KCNH7: variants seen among roughly 807,000 people sequenced by gnomAD.
KCNH7 encodes potassium voltage-gated channel subfamily H member 7, also known as voltage-gated inwardly rectifying potassium channel KCNH7.
Under a neutral mutation model 120.8 loss-of-function variants are expected in KCNH7, and 49 were observed. The ratio of observed to expected loss-of-function variants is 0.41; its 90% CI spans 0.32 to 0.51. The LOEUF (loss-of-function observed/expected upper bound fraction) is 0.51, where lower values mean the gene tolerates loss of function less well. Ranked by LOEUF, KCNH7 falls within the 20% of genes least tolerant of loss-of-function variation. The probability of loss-of-function intolerance (pLI) is 0.38; values close to 1 mark genes in which losing one functional copy is unlikely to be tolerated. For synonymous variants in KCNH7, 547 were observed against 516.1 expected, an observed-to-expected ratio of 1.06 and a Z score of -0.81; for missense variants, 1,097 against 1,446.6, an observed-to-expected ratio of 0.76 and a Z score of 3.92.
At chr2:162,455,089 C>G (rs1688913608) in intron 6 of KCNH7, among the ~76,000 whole-genome samples, 1 of 151,994 alleles carries the variant, frequency 6.6e-6, no homozygotes, top group African/African-American at 2.4e-5. Context: ...ATAAATAGCT[C>G]TTATCATTTT....
intron 2 of KCNH7, among the ~76,000 whole-genome samples, chr2:162,558,748 C>G (rs1692949116): frequency 6.6e-6 from 1 of 151,678 alleles, no homozygotes; most frequent in Non-Finnish European, 1.5e-5. Flanking sequence ...TTATTTCATA[C>G]TCCTTCTTTG....
rs137973770 is a variant in KCNH7, at chr2:162,404,475, G to A, written c.2155-4034C>T. Among the ~76,000 whole-genome samples, 392 of 152,070 alleles carry A rather than the reference G, an allele frequency of 2.6e-3. 4 individuals carry two copies. The highest frequency in any genetic ancestry group is 8.8e-3 in the African/African-American group (367 of 41,528). On this transcript the variant is annotated intron_variant, in intron 9 of 15. Transcript: ENST00000332142. ...CATAATGTCAGAGACGAAGCCTGAT[G>A]TGAGGTGTTTGGTCATGGGGGTTGA...
At chr2:162,743,554 G>C (rs1279625129) in intron 2 of KCNH7, among the ~76,000 whole-genome samples, 1 of 152,028 alleles carries the variant, frequency 6.6e-6, no homozygotes, top group Non-Finnish European at 1.5e-5. Flanking sequence ...TCAAAATGTA[G>C]GGTCACGGAA....
intron 2 of KCNH7, among the ~76,000 whole-genome samples, chr2:162,693,651 G>C (rs550490563): frequency 1.5e-4 from 23 of 152,314 alleles, no homozygotes; most frequent in Admixed American, 4.6e-4. Context: ...GTCTCAGGAG[G>C]TTCTGGCAAT....
chr2:162,645,499 T>C (rs1441317328), intron 2 of KCNH7, among the ~76,000 whole-genome samples: 1 of 152,180 alleles, frequency 6.6e-6, no homozygotes, highest in East Asian at 1.9e-4. Flanking sequence ...AGAGGTACCA[T>C]GCTGATCTGA....
chr2:162,788,027 C>A (rs139105569), intron 2 of KCNH7, among the ~76,000 whole-genome samples: 1 of 152,072 alleles, frequency 6.6e-6, no homozygotes, highest in Non-Finnish European at 1.5e-5. Flanking sequence ...AGAGGAGGAC[C>A]CTAATTCTTC....
chr2:162,542,222 C>CTT (rs371838497), intron 2 of KCNH7, among the ~76,000 whole-genome samples: 6 of 147,032 alleles, frequency 4.1e-5, no homozygotes, highest in African/African-American at 1.5e-4. Flanking sequence ...GGCTGTGATT[C>CTT]TTTTTTTTTC....
In KCNH7 at chr2:162,371,847, AG is replaced by A; in HGVS notation, c.3572del (p.Pro1191LeufsTer18). The A allele has an allele frequency of 6.2e-7, 1 of 1,609,208 alleles. No homozygotes were observed. Among genetic ancestry groups the A allele is most frequent in the Non-Finnish European group, 8.5e-7 (1 of 1,175,886 alleles). ...AAAATGATTATTTCCCTGGAAGACCAGGATCAGAAACATGCCTATGAAGACC... is the reference window on the plus strand; with the variant it reads ...AAAATGATTATTTCCCTGGAAGACCAGATCAGAAACATGCCTATGAAGACC... ...IVGLHRHVSD[P>X]GLPGK On this transcript the variant is annotated frameshift_variant, in exon 16 of 16. Transcript: ENST00000332142. LOFTEE classifies it high-confidence loss of function.
intron 6 of KCNH7, among the ~76,000 whole-genome samples, chr2:162,473,760 C>A (rs1689644986): frequency 6.6e-6 from 1 of 152,146 alleles, no homozygotes; most frequent in Admixed American, 6.6e-5. Context: ...GTGATGAACA[C>A]CATGATAGAG....
chr2:162,653,472 C>G (rs897378787), intron 2 of KCNH7, among the ~76,000 whole-genome samples: 1 of 152,124 alleles, frequency 6.6e-6, no homozygotes, highest in Non-Finnish European at 1.5e-5. Flanking sequence ...AAAACAATCT[C>G]ACTTACAATA....
chr2:162,609,858 G>A (rs1682904489), intron 2 of KCNH7, among the ~76,000 whole-genome samples: 2 of 152,114 alleles, frequency 1.3e-5, no homozygotes, highest in Non-Finnish European at 2.9e-5. Flanking sequence ...TCTGGGGACG[G>A]GTCTGGTCCT....
At chr2:162,814,873 C>G (rs73972026) in intron 2 of KCNH7, among the ~76,000 whole-genome samples, 2,985 of 152,202 alleles carry the variant, frequency 0.02, 93 homozygotes, top group African/African-American at 0.066. Flanking sequence ...TTATTCCAAG[C>G]CTTCTACTAA....
rs202144918 is a variant in KCNH7, at chr2:162,792,723, A to C, written c.307+43814T>G. ...CAAGCAGCTTATTTTTTTTTTTTTC[A>C]AAAAAAACCCAGCTCCTGGATTTGT... On this transcript the variant is annotated intron_variant, in intron 2 of 15. Transcript: ENST00000332142. 2.5e-5 allele frequency among the ~76,000 whole-genome samples: 3 copies of C among 121,830 alleles called. 1 individual carries two copies. The highest frequency in any genetic ancestry group is 8.3e-5 in the Admixed American group (1 of 11,996). The allele number at this position is 121,830 out of a possible 152,430, so 79.9% of individuals were successfully genotyped here. A position where few individuals can be genotyped will look rare whatever the true frequency, so the allele number is the denominator to read the frequency against.
intron 2 of KCNH7, among the ~76,000 whole-genome samples, chr2:162,744,530 TTAGTTCTACACATACAGTTA>T (rs1688245117): frequency 6.6e-6 from 1 of 151,776 alleles, no homozygotes; most frequent in Non-Finnish European, 1.5e-5. Flanking sequence ...TCCTGACCGT[TTAGTTCTACACATACAGTTA>T]TATTCTAATT....
intron 2 of KCNH7, among the ~76,000 whole-genome samples, chr2:162,567,933 A>C (rs1048392452): frequency 6.6e-6 from 1 of 152,006 alleles, no homozygotes; most frequent in Non-Finnish European, 1.5e-5. Flanking sequence ...TTGTTTTACA[A>C]TTACATACAG....
chr2:162,778,253 T>C (rs1373689051), intron 2 of KCNH7, among the ~76,000 whole-genome samples: 2 of 152,178 alleles, frequency 1.3e-5, no homozygotes, highest in Admixed American at 1.3e-4. Context: ...ATGAAGTTGA[T>C]ATTATATTAT....
intron 6 of KCNH7, among the ~76,000 whole-genome samples, chr2:162,493,757 T>C (rs1021737563): frequency 6.6e-6 from 1 of 152,134 alleles, no homozygotes; most frequent in Non-Finnish European, 1.5e-5. Flanking sequence ...ATACAAGCTG[T>C]GTAAGGAAAG....
At chr2:162,449,628 G>C (rs1216058868) in intron 6 of KCNH7, among the ~76,000 whole-genome samples, 1 of 152,008 alleles carries the variant, frequency 6.6e-6, no homozygotes, top group African/African-American at 2.4e-5. Context: ...TGTGTCACGG[G>C]AGCAGATACA....
chr2:162,836,351 A>G (rs373686043), intron 2 of KCNH7, among the ~76,000 whole-genome samples, 186 bp downstream of exon 2: 20 of 152,174 alleles, frequency 1.3e-4, no homozygotes, highest in African/African-American at 4.6e-4. Context: ...ACCCTTATTC[A>G]AAGAAAAAAT....
Sources: gnomAD v4.1 joint callset for allele counts (sites outside exome capture counted in the v4.1 genomes callset) on GRCh38, gnomAD v4.1.1 for gene constraint, MANE v1.5 for transcripts, NCBI Gene and HGNC (gene_info 2026-07-23, HGNC 2026-07-21) for gene names.